Variants in AIM2 observed in about 807,000 individuals in gnomAD.
The protein encoded by AIM2 is interferon-inducible protein AIM2.
AIM2 carries 30 observed loss-of-function variants against 27.7 expected under a neutral mutation model. That is an observed-to-expected ratio of 1.08 (90% confidence interval 0.81 to 1.47). The LOEUF (loss-of-function observed/expected upper bound fraction) is 1.47. AIM2 is among the 40% of genes most tolerant of loss of function. AIM2 has a pLI of 0.00. For missense variants in AIM2, 358 were observed against 411.3 expected, an observed-to-expected ratio of 0.87 and a Z score of 1.12; for synonymous variants, 141 against 145.3, an observed-to-expected ratio of 0.97 and a Z score of 0.21.
intron 1 of AIM2, among the ~76,000 whole-genome samples, chr1:159,138,279 G>A (rs907163024): frequency 1.4e-4 from 21 of 152,120 alleles, no homozygotes; most frequent in African/African-American, 4.8e-4. Flanking sequence ...TGACCTGTCA[G>A]CTTTCCAATC....
chr1:159,119,491 T>C (rs900595075), intron 1 of AIM2, among the ~76,000 whole-genome samples: 7 of 152,138 alleles, frequency 4.6e-5, no homozygotes, highest in African/African-American at 1.7e-4. Flanking sequence ...CCAAACTCAG[T>C]CAGTGACAGC....
At chr1:159,146,225 T>G (rs137870831) in intron 1 of AIM2, among the ~76,000 whole-genome samples, 1 of 152,152 alleles carries the variant, frequency 6.6e-6, no homozygotes, top group East Asian at 1.9e-4. Context: ...TAGGTTGTCA[T>G]GTCCCATCAG....
At chr1:159,075,605 T>TAGAG (rs1433149775) in intron 1 of AIM2, among the ~76,000 whole-genome samples, 4 of 150,476 alleles carry the variant, frequency 2.7e-5, no homozygotes, top group African/African-American at 9.8e-5. Flanking sequence ...GCTATATATA[T>TAGAG]ATATATAGAG....
At chr1:159,100,257 C>G (rs749477876) in intron 1 of AIM2, among the ~76,000 whole-genome samples, 1 of 152,196 alleles carries the variant, frequency 6.6e-6, no homozygotes, top group Non-Finnish European at 1.5e-5. Flanking sequence ...TATGACACTA[C>G]TGTTTCTCTA....
chr1:159,102,755 C>A (rs1347336122), intron 1 of AIM2, among the ~76,000 whole-genome samples: 9 of 152,208 alleles, frequency 5.9e-5, no homozygotes, highest in Admixed American at 2.0e-4. Flanking sequence ...TGGCCAATTT[C>A]TCCCATTTGG....
intron 1 of AIM2, among the ~76,000 whole-genome samples, chr1:159,098,974 A>T (rs1190895264): frequency 6.6e-6 from 1 of 150,878 alleles, no homozygotes; most frequent in Non-Finnish European, 1.5e-5. Flanking sequence ...AGAGTCTTAA[A>T]AACATAGTGG....
intron 1 of AIM2, among the ~76,000 whole-genome samples, chr1:159,106,629 C>T (rs1239677781): frequency 6.6e-6 from 1 of 152,210 alleles, no homozygotes; most frequent in African/African-American, 2.4e-5. Context: ...CCACTGACAT[C>T]CCCTCATGGG....
intron 1 of AIM2, among the ~76,000 whole-genome samples, chr1:159,098,561 G>T (rs1200643482): frequency 6.6e-6 from 1 of 152,242 alleles, no homozygotes; most frequent in African/African-American, 2.4e-5. Context: ...ATTGTGTATT[G>T]CTGACCTAGA....
chr1:159,124,200 T>G (rs545679384), intron 1 of AIM2, among the ~76,000 whole-genome samples: 2 of 151,432 alleles, frequency 1.3e-5, no homozygotes, highest in South Asian at 4.1e-4. Context: ...ATCTCTTTTT[T>G]TAAAAAAAAT....
intron 1 of AIM2, among the ~76,000 whole-genome samples, chr1:159,104,856 G>A (rs954485041): frequency 2.0e-5 from 3 of 152,140 alleles, no homozygotes; most frequent in Admixed American, 1.3e-4. Flanking sequence ...TGTGTTTTCT[G>A]GGCCTTTTAC....
rs1657536051 is a variant in AIM2 at position 159,110,209 on chromosome 1, T to A, written c.-16+30222A>T. ...AAGAGACTGTAGTATATATACACAA[T>A]GGAATACTACTCGGCCATAAAAAGG... On this transcript the variant is annotated intron_variant, in intron 1 of 2. Transcript: ENST00000368129. Among the ~76,000 whole-genome samples, 5 of 152,176 alleles carry A rather than the reference T, an allele frequency of 3.3e-5. No homozygotes were observed. In the South Asian group the frequency reaches 1.0e-3, roughly 31 times the overall value.
chr1:159,129,567 G>A lies in AIM2; in HGVS notation c.-16+10864C>T, dbSNP rs142519416. Among the ~76,000 whole-genome samples the A allele has an allele frequency of 8.9e-3, 1,359 of 152,234 alleles. 18 individuals carry two copies. The highest frequency in any genetic ancestry group is 0.028 in the South Asian group (135 of 4,820). On this transcript the variant is annotated intron_variant, in intron 1 of 2. Transcript: ENST00000368129. ...TACTATGTGATGTTGGTTACTCAGAGTACCATTCTATGCCTCAGTTTCCTT... is the reference window on the plus strand; with the variant it reads ...TACTATGTGATGTTGGTTACTCAGAATACCATTCTATGCCTCAGTTTCCTT...
At chr1:159,085,818 G>T (rs983754823) in intron 1 of AIM2, among the ~76,000 whole-genome samples, 7 of 152,110 alleles carry the variant, frequency 4.6e-5, no homozygotes, top group African/African-American at 1.7e-4. Context: ...CTGGTGGAGT[G>T]CTGGAAGGCA....
chr1:159,095,660 G>C (rs1030919720), intron 1 of AIM2, among the ~76,000 whole-genome samples: 2 of 151,984 alleles, frequency 1.3e-5, no homozygotes, highest in African/African-American at 2.4e-5. Flanking sequence ...AAGGTACCAC[G>C]TTTGTCTTGA....
intron 1 of AIM2, among the ~76,000 whole-genome samples, chr1:159,108,791 A>T (rs1191991799): frequency 6.6e-6 from 1 of 152,124 alleles, no homozygotes; most frequent in African/African-American, 2.4e-5. Flanking sequence ...CCCCCTTTAC[A>T]ACAGCTGCAA....
chr1:159,099,514 A>G (rs1302108477), intron 1 of AIM2, among the ~76,000 whole-genome samples: 1 of 152,168 alleles, frequency 6.6e-6, no homozygotes, highest in Non-Finnish European at 1.5e-5. Context: ...TCCCTCCCAA[A>G]GACTACTAGA....
intron 1 of AIM2, among the ~76,000 whole-genome samples, chr1:159,104,721 C>T (rs1416149714): frequency 6.6e-6 from 1 of 152,134 alleles, no homozygotes; most frequent in Non-Finnish European, 1.5e-5. Context: ...GAGGTAGCTA[C>T]TGGAAAATTT....
At chr1:159,089,332 T>C (rs898866028) in intron 1 of AIM2, among the ~76,000 whole-genome samples, 2 of 152,214 alleles carry the variant, frequency 1.3e-5, no homozygotes, top group African/African-American at 4.8e-5. Flanking sequence ...GAAATAAGAT[T>C]TGAACTTCAT....
At chr1:159,114,181 A>G (rs964747279) in intron 1 of AIM2, among the ~76,000 whole-genome samples, 2 of 152,210 alleles carry the variant, frequency 1.3e-5, no homozygotes, top group African/African-American at 4.8e-5. Context: ...CTCAAGTCAA[A>G]GCAAAGGAAA....
Sources: allele counts gnomAD v4.1 joint callset (sites outside exome capture counted in the v4.1 genomes callset), GRCh38; gene constraint gnomAD v4.1.1; transcripts MANE v1.5; gene names NCBI Gene and HGNC (gene_info 2026-07-23, HGNC 2026-07-21).